Variants in SLC4A10 observed in about 807,000 individuals in gnomAD.
The protein encoded by SLC4A10 is solute carrier family 4 member 10.
SLC4A10 carries 42 observed loss-of-function variants against 137.7 expected under a neutral mutation model. The observed-to-expected ratio is 0.30, with a 90% CI of 0.24 to 0.39. The LOEUF (loss-of-function observed/expected upper bound fraction) is 0.39. Among genes scored for constraint, SLC4A10 ranks in the 10% least tolerant of loss-of-function variants. The pLI is 1.00. For synonymous variants in SLC4A10, 474 were observed against 464.1 expected (o/e 1.02, Z -0.27); for missense variants, 925 against 1,355.0 (o/e 0.68, Z 4.98).
At chr2:161,924,053 T>C (rs941704028) in intron 15 of SLC4A10, among the ~76,000 whole-genome samples, 5 of 152,152 alleles carry the variant, frequency 3.3e-5, no homozygotes, top group African/African-American at 1.2e-4. Flanking sequence ...CTCCATCTTA[T>C]TGCCAGAGTC....
At chr2:161,841,029 G>T (rs987829196) in intron 4 of SLC4A10, among the ~76,000 whole-genome samples, 3 of 152,092 alleles carry the variant, frequency 2.0e-5, no homozygotes, top group Non-Finnish European at 4.4e-5. Flanking sequence ...GGCAGAGATA[G>T]CAGGACGTGC....
chr2:161,709,535 T>G (rs16846053), intron 1 of SLC4A10, among the ~76,000 whole-genome samples: 11,391 of 151,600 alleles, frequency 0.075, 532 homozygotes, highest in East Asian at 0.14. Context: ...TATAAATCTG[T>G]TTTTCACAAA....
chr2:161,699,222 G>A (rs2042881741), intron 1 of SLC4A10, among the ~76,000 whole-genome samples: 2 of 152,038 alleles, frequency 1.3e-5, no homozygotes, highest in Admixed American at 6.6e-5. Flanking sequence ...GGGTTTCACT[G>A]TGTTAGCGAA....
chr2:161,805,520 G>A (rs999236370), intron 3 of SLC4A10, among the ~76,000 whole-genome samples: 3 of 152,202 alleles, frequency 2.0e-5, no homozygotes, highest in African/African-American at 2.4e-5. Context: ...TTACTTCCTA[G>A]ATACAACTGG....
intron 1 of SLC4A10, among the ~76,000 whole-genome samples, chr2:161,632,300 C>T (rs144426625): frequency 1.3e-4 from 19 of 151,606 alleles, no homozygotes; most frequent in Non-Finnish European, 4.4e-5. Flanking sequence ...TAGATCCATA[C>T]AGCTTTTTTC....
Position 161,839,947 on chromosome 2 carries a change from G to A in SLC4A10, c.416+20G>A. On this transcript the variant is annotated intron_variant, in intron 4 of 26. Coordinates refer to ENST00000446997, the MANE Select transcript of SLC4A10 (RefSeq NM_001178015.2). The stretch of plus-strand genomic sequence containing the variant: ...AGCCAGGTGAGGATTTTTGTTAAAG[G>A]GTGAAGGTATACTAAAGAATTTTCA... 6.2e-7 allele frequency: 1 copy of A among 1,613,172 alleles called. No homozygotes were observed. The highest frequency in any genetic ancestry group is 8.5e-7 in the Non-Finnish European group (1 of 1,179,382).
At position 161,882,079 on chromosome 2, in the gene SLC4A10, A is replaced by G. The variant is rs557940786; in HGVS notation, c.1107-278A>G. ...GATCATAGAATCCTTAAAATTCCCA[A>G]TAACAACTGCACATGCTGTACAGAT... On this transcript the variant is annotated intron_variant, in intron 9 of 26. Coordinates refer to ENST00000446997, the MANE Select transcript of SLC4A10 (RefSeq NM_001178015.2). 2.6e-5 allele frequency among the ~76,000 whole-genome samples: 4 copies of G among 151,922 alleles called. No homozygotes were observed. The South Asian group carries it at 6.2e-4, about 24-fold the overall frequency.
rs113525265 is a variant in SLC4A10, at chr2:161,755,569, A to G, written c.49-15404A>G. 2.5e-3 allele frequency among the ~76,000 whole-genome samples: 384 copies of G among 152,242 alleles called. 3 individuals carry two copies. Among genetic ancestry groups the G allele is most frequent in the African/African-American group, 8.8e-3 (366 of 41,570 alleles). On this transcript the variant is annotated intron_variant, in intron 1 of 26. Transcript: ENST00000446997. ...CCAACACCACCCTCTCTTTTCTCACATACTCACAAATATCCCTTGGGAGCA... is the reference window on the plus strand; with the variant it reads ...CCAACACCACCCTCTCTTTTCTCACGTACTCACAAATATCCCTTGGGAGCA...
Position 161,804,430 on chromosome 2 carries a change from G to A in SLC4A10, c.131-19G>A. On this transcript the variant is annotated intron_variant, in intron 2 of 26. Coordinates refer to ENST00000446997, the MANE Select transcript of SLC4A10 (RefSeq NM_001178015.2). ...GGAATAATTCAGAGTTTAATTTGTG[G>A]GTTTGCTTCCTTATGAAGGTCATCG... 6.2e-7 allele frequency: 1 copy of A among 1,602,856 alleles called. No homozygotes were observed. The highest frequency in any genetic ancestry group is 2.2e-5 in the East Asian group (1 of 44,642).
intron 15 of SLC4A10, among the ~76,000 whole-genome samples, chr2:161,907,497 T>C (rs1238232702): frequency 2.0e-5 from 3 of 152,188 alleles, no homozygotes; most frequent in African/African-American, 7.2e-5. Flanking sequence ...GTGAATCATA[T>C]TCTGTCCTCA....
chr2:161,922,720 T>C (rs1326357511), intron 15 of SLC4A10, among the ~76,000 whole-genome samples: 5 of 152,298 alleles, frequency 3.3e-5, no homozygotes, highest in Middle Eastern at 3.4e-3. Flanking sequence ...TTTTTTATTT[T>C]GTAAATATTC....
intron 7 of SLC4A10, among the ~76,000 whole-genome samples, chr2:161,873,548 A>G (rs1250222989): frequency 6.6e-6 from 1 of 151,384 alleles, no homozygotes; most frequent in Non-Finnish European, 1.5e-5. Context: ...AAAAAAAAAA[A>G]AAAAAAAAGA....
intron 3 of SLC4A10, among the ~76,000 whole-genome samples, chr2:161,831,343 T>C (rs776852419): frequency 6.6e-6 from 1 of 152,186 alleles, no homozygotes; most frequent in African/African-American, 2.4e-5. Flanking sequence ...CAGTAATTGC[T>C]CTATAGCTGT....
intron 19 of SLC4A10, among the ~76,000 whole-genome samples, chr2:161,951,084 A>G (rs552410584): frequency 6.6e-6 from 1 of 152,172 alleles, no homozygotes; most frequent in African/African-American, 2.4e-5. Context: ...GGCATAAAAT[A>G]AAAAACTGTC....
intron 2 of SLC4A10, among the ~76,000 whole-genome samples, chr2:161,781,761 GA>G (rs1318257684): frequency 6.6e-6 from 1 of 151,984 alleles, no homozygotes; most frequent in African/African-American, 2.4e-5. Flanking sequence ...ACAATTCACA[GA>G]AAAATTCCCT....
intron 26 of SLC4A10, among the ~76,000 whole-genome samples, chr2:161,981,667 G>A (rs1162808621): frequency 6.6e-6 from 1 of 152,222 alleles, no homozygotes; most frequent in Non-Finnish European, 1.5e-5. Flanking sequence ...ACTTAAAGTA[G>A]AAGAAAGTGA....
chr2:161,819,327 G>A (rs990981613), intron 3 of SLC4A10, among the ~76,000 whole-genome samples: 2 of 152,110 alleles, frequency 1.3e-5, no homozygotes, highest in Non-Finnish European at 2.9e-5. Flanking sequence ...TGGTGGTGAT[G>A]TTTTGCTCAT....
At chr2:161,929,393 C>A (rs544833063) in intron 15 of SLC4A10, among the ~76,000 whole-genome samples, 1 of 152,218 alleles carries the variant, frequency 6.6e-6, no homozygotes, top group South Asian at 2.1e-4. Context: ...AGGACTATAT[C>A]TATGTGCCTA....
chr2:161,681,323 C>T (rs2040828233), intron 1 of SLC4A10, among the ~76,000 whole-genome samples: 1 of 152,114 alleles, frequency 6.6e-6, no homozygotes, highest in Admixed American at 6.6e-5. Flanking sequence ...CAGCTAGAAT[C>T]AGAGACTCAC....
Sources: allele counts gnomAD v4.1 joint callset (sites outside exome capture counted in the v4.1 genomes callset), GRCh38; gene constraint gnomAD v4.1.1; transcripts MANE v1.5; gene names NCBI Gene and HGNC (gene_info 2026-07-23, HGNC 2026-07-21).